TMPRSS3: variants seen among roughly 807,000 people sequenced by gnomAD.
The protein encoded by TMPRSS3 is transmembrane protease serine 3.
TMPRSS3 carries 55 observed loss-of-function variants against 59.6 expected under a neutral mutation model. The observed-to-expected ratio is 0.92, with a 90% CI of 0.74 to 1.16. The LOEUF is 1.16. Ranked by LOEUF, TMPRSS3 falls within the 50% of genes most tolerant of loss-of-function variation. TMPRSS3 has a pLI of 0.00. For missense variants in TMPRSS3, 596 were observed against 579.4 expected, an observed-to-expected ratio of 1.03 and a Z score of -0.29; for synonymous variants, 257 against 237.7, an observed-to-expected ratio of 1.08 and a Z score of -0.75.
intron 11 of TMPRSS3, 143 bp downstream of exon 11, chr21:42,376,397 GA>G (rs2052428655): frequency 1.6e-6 from 2 of 1,232,218 alleles, no homozygotes; most frequent in Non-Finnish European, 2.3e-6. Context: ...TGGCAGCCAG[GA>G]AAAGGAGTGA....
chr21:42,372,290 T>C lies in TMPRSS3; in HGVS notation c.*472A>G. Reference sequence around the variant, plus strand: ...GAAAGGAGCGTGAGGCTAGGCGTGGTGGCCCATGCCTGTAATCCCAGCACT... The same window carrying C: ...GAAAGGAGCGTGAGGCTAGGCGTGGCGGCCCATGCCTGTAATCCCAGCACT... On this transcript the variant is annotated 3_prime_UTR_variant, in exon 13 of 13. Coordinates refer to ENST00000644384, the MANE Select transcript of TMPRSS3 (RefSeq NM_001256317.3). 1 of 453,894 alleles carries C rather than the reference T, an allele frequency of 2.2e-6. No individual in the cohort carries two copies. The highest frequency in any genetic ancestry group is 4.4e-6 in the Non-Finnish European group (1 of 226,648). 28.1% of individuals were successfully genotyped at this position (453,894 alleles called of 1,614,324 possible).
intron 2 of TMPRSS3, among the ~76,000 whole-genome samples, chr21:42,393,312 A>G (rs965514842): frequency 2.0e-5 from 3 of 152,228 alleles, no homozygotes; most frequent in African/African-American, 7.2e-5. Flanking sequence ...AGACATAACT[A>G]CATGCCAACT....
At chr21:42,391,234 G>T (rs1219222805) in intron 2 of TMPRSS3, among the ~76,000 whole-genome samples, 1 of 152,180 alleles carries the variant, frequency 6.6e-6, no homozygotes, top group Admixed American at 6.5e-5. Flanking sequence ...TTATAGAGAT[G>T]GGGATCTCAC....
rs201482591 is a variant in TMPRSS3, at chr21:42,388,534, A to G, written c.323-8T>C. 96 of 1,614,180 alleles carry G rather than the reference A, an allele frequency of 5.9e-5. No homozygotes were observed. In the East Asian group the frequency reaches 2.0e-3, roughly 34 times the overall value. On this transcript the variant is annotated splice_region_variant and splice_polypyrimidine_tract_variant and intron_variant, in intron 4 of 12. Coordinates refer to ENST00000644384, the MANE Select transcript of TMPRSS3 (RefSeq NM_001256317.3). The surrounding 1 kb of genome is among the most constrained non-coding windows in gnomAD (Gnocchi z 5.1). ...TCTGACCACCCACCCGGACTGGCCG[A>G]TGTGCAGAAAGAAAGGCTTATTAGT... is the stretch of plus-strand genomic sequence containing the variant.
At position 42,389,050 on chromosome 21, in the gene TMPRSS3, G is replaced by C. The variant is rs761058429; in HGVS notation, c.206-5C>G. ...TCCCTGAGCAGTCGAAGTGGACTGG[G>C]AAAAGGGAGGAAGGCAGGAATTAAC... On this transcript the variant is annotated splice_region_variant and splice_polypyrimidine_tract_variant and intron_variant, in intron 3 of 12. Transcript: ENST00000644384. The C allele has an allele frequency of 1.4e-5, 23 of 1,613,952 alleles. No homozygotes were observed. The highest frequency in any genetic ancestry group is 1.9e-5 in the Non-Finnish European group (22 of 1,180,024).
intron 12 of TMPRSS3, among the ~76,000 whole-genome samples, chr21:42,373,895 C>T (rs2052377361): frequency 6.6e-6 from 1 of 152,222 alleles, no homozygotes; most frequent in Non-Finnish European, 1.5e-5. Flanking sequence ...CCCACGACAG[C>T]TGGAAGACAC....
intron 7 of TMPRSS3, chr21:42,383,414 C>G (rs182989822): frequency 1.6e-6 from 1 of 610,066 alleles, no homozygotes; most frequent in African/African-American, 1.8e-5. Flanking sequence ...GTGGAGGATG[C>G]GGTGGGAAAA....
In TMPRSS3 at chr21:42,375,803, G is replaced by T; in HGVS notation, c.1257C>A (p.Ser419Arg). The T allele has an allele frequency of 6.2e-7, 1 of 1,613,882 alleles. No individual in the cohort carries two copies. The highest frequency in any genetic ancestry group is 1.1e-5 in the South Asian group (1 of 91,082). The change falls in exon 12 of 13, where the codon AGC (serine) becomes AGA (arginine). Residue 419 changes from serine (S) to arginine (R), a missense_variant. Coordinates refer to ENST00000644384, the MANE Select transcript of TMPRSS3 (RefSeq NM_001256317.3). Reference sequence around the variant, plus strand: ...TCACCTCTGCGCAGCCGATGCCAAAGCTGGTCGCTCCCACTAACTTCCACA... The same window carrying T: ...TCACCTCTGCGCAGCCGATGCCAAATCTGGTCGCTCCCACTAACTTCCACA... ...RRLWKLVGAT[S>R]FGIGCAEVNK...
rs138713556 is a variant in TMPRSS3 at position 42,395,669 on chromosome 21, CAAAAAAAA to C, written c.-51-209_-51-202del. 1,482 of 243,512 alleles carry C rather than the reference CAAAAAAAA, an allele frequency of 6.1e-3. 19 individuals carry two copies. Among genetic ancestry groups the C allele is most frequent in the African/African-American group, 0.036 (1,059 of 29,346 alleles). The allele number at this position is 243,512 out of a possible 1,614,324, so 15.1% of individuals were successfully genotyped here. ...ATAACAGAAAAGCTTCTAGAATTAGCAAAAAAAAAAAAAAAAAAAAAGTATGAACTTAA... is the reference window on the plus strand; with the variant it reads ...ATAACAGAAAAGCTTCTAGAATTAGCAAAAAAAAAAAAAGTATGAACTTAA... On this transcript the variant is annotated intron_variant, in intron 1 of 12. Coordinates refer to ENST00000644384, the MANE Select transcript of TMPRSS3 (RefSeq NM_001256317.3).
intron 2 of TMPRSS3, 71 bp from the exon 3 acceptor site, chr21:42,390,108 T>A: frequency 1.7e-6 from 2 of 1,153,616 alleles, no homozygotes; most frequent in Non-Finnish European, 2.6e-6. Context: ...CTTACAAATT[T>A]AACTATCCTT....
intron 3 of TMPRSS3, among the ~76,000 whole-genome samples, chr21:42,389,434 TGGACCACACAGTGG>T (rs1195680727): frequency 2.0e-5 from 3 of 152,232 alleles, no homozygotes; most frequent in Non-Finnish European, 2.9e-5. Flanking sequence ...GAACGAAGTG[TGGACCACACAGTGG>T]GGCAGGTGGC....
In TMPRSS3 at chr21:42,388,976, C is replaced by T; in HGVS notation, c.275G>A (p.Cys92Tyr). ...GTCTTTGCAATCCGAGACTCCGTCA[C>T]ATCGAGCTATCAGCTCGATACACTT... ...SFKCIELIARCDGVSDCKDGE... is the reference protein window; with the variant it reads ...SFKCIELIARYDGVSDCKDGE... The change falls in exon 4 of 13, where the codon TGT (cysteine) becomes TAT (tyrosine). Residue 92 changes from cysteine (C) to tyrosine (Y), a missense_variant. By Grantham distance (194) the Cys-to-Tyr change is radical. Transcript: ENST00000644384. The surrounding 1 kb of genome is among the most constrained non-coding windows in gnomAD (Gnocchi z 5.1). 1 of 1,614,246 alleles carries T rather than the reference C, an allele frequency of 6.2e-7. No individual in the cohort carries two copies.
In TMPRSS3 at chr21:42,382,088, A is replaced by T; in HGVS notation, c.929T>A (p.Leu310Gln). The T allele has an allele frequency of 6.2e-7, 1 of 1,614,226 alleles. No individual in the cohort carries two copies. Among genetic ancestry groups the T allele is most frequent in the Non-Finnish European group, 8.5e-7 (1 of 1,180,034 alleles). Residue 310 changes from leucine to glutamine, a missense_variant, in exon 9 of 13, where the codon CTG (leucine) becomes CAG (glutamine). Physicochemically the swap from Leu to Gln is moderately radical, Grantham distance 113. Transcript: ENST00000644384. ...ACCATTGAACGTGAGTGGCCCGGCC[A>T]GCTTCATAAGGGCGATGTCATTGCC... ...RLGNDIALMK[L>Q]AGPLTFNEMI...
chr21:42,382,631 T>A (rs2052552720), intron 8 of TMPRSS3: 1 of 389,992 alleles, frequency 2.6e-6, no homozygotes, highest in Non-Finnish European at 4.8e-6. Context: ...CCTGAGATTT[T>A]AAGAAGAGAC....
chr21:42,372,813 G>C (rs1218810822), intron 12 of TMPRSS3, 34 bp from the exon 13 acceptor site: 1 of 1,613,638 alleles, frequency 6.2e-7, no homozygotes, highest in Admixed American at 1.7e-5. Context: ...ATTGTTTTTA[G>C]CACTTCCAGC....
At chr21:42,379,979 A>G (rs551241926) in intron 10 of TMPRSS3, 138 bp downstream of exon 10, 1 of 726,564 alleles carries the variant, frequency 1.4e-6, no homozygotes, top group East Asian at 2.7e-5. Context: ...CTGTGTCCCG[A>G]GCAGCTGACA....
At position 42,395,479 on chromosome 21, in the gene TMPRSS3, G is replaced by T; in HGVS notation, c.-51-11C>A. The T allele has an allele frequency of 7.2e-7, 1 of 1,392,024 alleles. No individual in the cohort carries two copies. Among genetic ancestry groups the T allele is most frequent in the Non-Finnish European group, 1.0e-6 (1 of 980,870 alleles). The allele number at this position is 1,392,024 out of a possible 1,614,324, so 86.2% of individuals were successfully genotyped here. A position where few individuals can be genotyped will look rare whatever the true frequency, so the allele number is the denominator to read the frequency against. ...CTCCACCTCTACCTCCTTAGCCGAG[G>T]AAGAACAGAAAGCATTTGTTCCCCT... On this transcript the variant is annotated splice_polypyrimidine_tract_variant and intron_variant, in intron 1 of 12. Coordinates refer to ENST00000644384, the MANE Select transcript of TMPRSS3 (RefSeq NM_001256317.3).
chr21:42,373,042 C>T (rs1399053667), intron 12 of TMPRSS3, among the ~76,000 whole-genome samples: 1 of 152,192 alleles, frequency 6.6e-6, no homozygotes, highest in Non-Finnish European at 1.5e-5. Context: ...TTCCAGGTCT[C>T]GGCACTATGT....
chr21:42,393,825 A>G (rs1420824082), intron 2 of TMPRSS3, among the ~76,000 whole-genome samples: 1 of 152,236 alleles, frequency 6.6e-6, no homozygotes, highest in Non-Finnish European at 1.5e-5. Flanking sequence ...AACTTTATTT[A>G]CAAAAGAAGG....
Sources: gnomAD v4.1 joint callset for allele counts (sites outside exome capture counted in the v4.1 genomes callset) on GRCh38, gnomAD v4.1.1 for gene constraint, Gnocchi (gnomAD v3.1) non-coding constraint, MANE v1.5 for transcripts, NCBI Gene and HGNC (gene_info 2026-07-23, HGNC 2026-07-21) for gene names.